The following SGCD variants were observed in gnomAD, a reference collection of about 807,000 sequenced individuals.
SGCD encodes delta-sarcoglycan.
Under a neutral mutation model 36.6 loss-of-function variants are expected in SGCD, and 18 were observed. The ratio of observed to expected loss-of-function variants is 0.49; its 90% CI spans 0.34 to 0.73. The LOEUF (loss-of-function observed/expected upper bound fraction) is 0.73, where lower values mean the gene tolerates loss of function less well. SGCD is among the 30% of genes least tolerant of loss of function. The pLI is 0.01. For synonymous variants in SGCD, 133 were observed against 130.6 expected (o/e 1.02, Z -0.12); for missense variants, 387 against 346.7 (o/e 1.12, Z -0.92).
chr5:156,214,013 T>G (rs532203018), intron 3 of SGCD, among the ~76,000 whole-genome samples: 1 of 151,944 alleles, frequency 6.6e-6, no homozygotes, highest in Non-Finnish European at 1.5e-5. Flanking sequence ...CAGTAATAAA[T>G]AGTTGAAAGC....
chr5:156,268,574 CCT>C (rs1278510937), intron 3 of SGCD, among the ~76,000 whole-genome samples: 1 of 150,554 alleles, frequency 6.6e-6, no homozygotes, highest in Non-Finnish European at 1.5e-5. Context: ...CTCCTTCCTT[CCT>C]TCCTTCCTTC....
chr5:156,359,047 T>C (rs1769639588), intron 3 of SGCD, among the ~76,000 whole-genome samples: 1 of 152,138 alleles, frequency 6.6e-6, no homozygotes, highest in Non-Finnish European at 1.5e-5. Context: ...AAAAGAATCA[T>C]AAATAGAAAT....
intron 4 of SGCD, among the ~76,000 whole-genome samples, chr5:156,555,211 T>G (rs1027599565): frequency 6.6e-6 from 1 of 152,164 alleles, no homozygotes; most frequent in Admixed American, 6.6e-5. Flanking sequence ...CCCTGAAGTG[T>G]TTTTATTTTT....
intron 1 of SGCD, among the ~76,000 whole-genome samples, chr5:155,999,135 C>G (rs1036669025): frequency 1.3e-5 from 2 of 152,196 alleles, no homozygotes; most frequent in Non-Finnish European, 2.9e-5. Flanking sequence ...CTCTTTAGGA[C>G]TCATCTGCCA....
chr5:156,613,152 T>G (rs1490319664), intron 6 of SGCD, among the ~76,000 whole-genome samples: 1 of 152,140 alleles, frequency 6.6e-6, no homozygotes, highest in African/African-American at 2.4e-5. Flanking sequence ...CCATTGTATT[T>G]CCTCAGTCAC....
chr5:155,891,558 C>CGTTTTT (rs1554102608), intron 1 of SGCD, among the ~76,000 whole-genome samples: 1 of 60,778 alleles, frequency 1.6e-5, no homozygotes, highest in Non-Finnish European at 2.8e-5. Context: ...AATAAATACT[C>CGTTTTT]TTTTTTTTTT....
At chr5:156,326,170 G>T (rs1181423121), upstream of SGCD, among the ~76,000 whole-genome samples, 1 of 152,154 alleles carries the variant, frequency 6.6e-6, no homozygotes, top group Non-Finnish European at 1.5e-5. Flanking sequence ...GGGTTTTTCA[G>T]TGTGGGAGAA....
At chr5:155,980,448 C>T (rs4413516) in intron 1 of SGCD, among the ~76,000 whole-genome samples, 8 of 151,506 alleles carry the variant, frequency 5.3e-5, no homozygotes, top group African/African-American at 7.3e-5. Context: ...TGTAGCCAGG[C>T]GTGGTGGCAG....
At chr5:156,113,472 G>A (rs1002299366) in intron 1 of SGCD, among the ~76,000 whole-genome samples, 2 of 152,130 alleles carry the variant, frequency 1.3e-5, no homozygotes, top group Non-Finnish European at 2.9e-5. Flanking sequence ...TTGAGGTACA[G>A]AATATCAGCC....
intron 1 of SGCD, among the ~76,000 whole-genome samples, chr5:155,992,585 G>T (rs1426132419): frequency 6.6e-6 from 1 of 152,120 alleles, no homozygotes; most frequent in Non-Finnish European, 1.5e-5. Flanking sequence ...GAGGTAAAAT[G>T]AACTGGAGCT....
intron 1 of SGCD, among the ~76,000 whole-genome samples, chr5:156,115,883 AC>A (rs1761894715): frequency 6.6e-6 from 1 of 152,120 alleles, no homozygotes; most frequent in African/African-American, 2.4e-5. Context: ...TTTAAGGATA[AC>A]AACTTGATGT....
At chr5:156,098,898 T>A (rs2127596164) in intron 1 of SGCD, among the ~76,000 whole-genome samples, 1 of 152,306 alleles carries the variant, frequency 6.6e-6, no homozygotes, top group Admixed American at 6.5e-5. Flanking sequence ...AAGAGATGCC[T>A]CAAGTTCATG....
chr5:156,674,713 C>A (rs1003222949), intron 7 of SGCD, among the ~76,000 whole-genome samples: 2 of 152,154 alleles, frequency 1.3e-5, no homozygotes, highest in African/African-American at 2.4e-5. Context: ...AGACCAGGAA[C>A]CTCGCATTAA....
chr5:155,728,518 A>G, the SGCD span, among the ~76,000 whole-genome samples: 8 of 152,212 alleles, frequency 5.3e-5, no homozygotes, highest in African/African-American at 1.9e-4. Flanking sequence ...GCCTGGAGAA[A>G]CAGCCCCGCT....
At chr5:156,396,454 G>A (rs1771853244) in intron 3 of SGCD, among the ~76,000 whole-genome samples, 1 of 152,198 alleles carries the variant, frequency 6.6e-6, no homozygotes, top group Non-Finnish European at 1.5e-5. Flanking sequence ...GTTGCAGGGT[G>A]GAGGGTATCA....
intron 1 of SGCD, among the ~76,000 whole-genome samples, chr5:156,116,768 G>T (rs1017735270): frequency 2.0e-5 from 3 of 152,086 alleles, no homozygotes; most frequent in Non-Finnish European, 4.4e-5. Flanking sequence ...TAACAATATT[G>T]TCTCATTAGT....
intron 4 of SGCD, among the ~76,000 whole-genome samples, chr5:156,515,771 T>C (rs954159055): frequency 4.6e-5 from 7 of 152,220 alleles, no homozygotes; most frequent in African/African-American, 1.4e-4. Flanking sequence ...CTGCCTGAGA[T>C]GACCAAGTTT....
intron 1 of SGCD, among the ~76,000 whole-genome samples, chr5:155,995,312 T>G (rs1053786221): frequency 6.6e-6 from 1 of 152,164 alleles, no homozygotes; most frequent in African/African-American, 2.4e-5. Flanking sequence ...AGAGCAAGCA[T>G]TATAAACAGT....
chr5:156,157,592 A>G (rs764905507), intron 3 of SGCD, among the ~76,000 whole-genome samples: 13 of 151,768 alleles, frequency 8.6e-5, no homozygotes, highest in African/African-American at 1.2e-4. Flanking sequence ...TTTTTCTGCT[A>G]AGTATACAAT....
Sources: allele counts gnomAD v4.1 joint callset (sites outside exome capture counted in the v4.1 genomes callset), GRCh38; gene constraint gnomAD v4.1.1; transcripts MANE v1.5; gene names NCBI Gene and HGNC (gene_info 2026-07-23, HGNC 2026-07-21).